Variants in ZNF730 observed in about 807,000 individuals in gnomAD.
The protein encoded by ZNF730 is zinc finger protein 730, also known as putative zinc finger protein 730.
In ZNF730, 12 loss-of-function variants were observed where a neutral mutation model predicts 12.6. That is an observed-to-expected ratio of 0.95 (90% confidence interval 0.61 to 1.54). ZNF730 has a LOEUF of 1.54. ZNF730 is among the 40% of genes most tolerant of loss of function. ZNF730 has a pLI of 0.00. For missense variants in ZNF730, 643 were observed against 583.5 expected (o/e 1.10, Z -1.05); for synonymous variants, 194 against 195.8 (o/e 0.99, Z 0.08).
intron 1 of ZNF730, among the ~76,000 whole-genome samples, chr19:23,078,852 T>G (rs1421708020): frequency 6.6e-6 from 1 of 152,166 alleles, no homozygotes. Context: ...GTGCCCAGAC[T>G]GGAGTGCAGT....
At chr19:23,129,980 C>T (rs868441029) in intron 1 of ZNF730, among the ~76,000 whole-genome samples, 6 of 133,458 alleles carry the variant, frequency 4.5e-5, no homozygotes, top group South Asian at 2.4e-4. Flanking sequence ...GGTGCTGGAG[C>T]GAGACTCCGC....
chr19:23,145,628 A>T lies in ZNF730; in HGVS notation c.584A>T (p.His195Leu), dbSNP rs764682556. The T allele has an allele frequency of 1.3e-6, 2 of 1,550,270 alleles. No homozygotes were observed. The highest frequency in any genetic ancestry group is 1.7e-6 in the Non-Finnish European group (2 of 1,149,280). ...LSHLAQHKKI[H>L]TGEKSYKCEE... ...CACTTAGCTCAACATAAAAAAATTC[A>T]TACTGGAGAGAAATCCTACAAATGT... The change falls in exon 4 of 4, where the codon CAT becomes CTT. Residue 195 changes from histidine to leucine, a missense_variant. By Grantham distance (99) the His-to-Leu change is moderately conservative (BLOSUM62 -3). Coordinates refer to ENST00000597761, the MANE Select transcript of ZNF730 (RefSeq NM_001277403.2).
intron 3 of ZNF730, among the ~76,000 whole-genome samples, chr19:23,143,240 G>A (rs1040718681): frequency 1.3e-4 from 19 of 151,296 alleles, no homozygotes; most frequent in African/African-American, 3.6e-4. Context: ...GCGAGACTCC[G>A]TCTCAAAAAA....
intron 1 of ZNF730, among the ~76,000 whole-genome samples, chr19:23,122,132 C>CTT (rs71163449): frequency 1.3e-4 from 3 of 22,812 alleles, no homozygotes; most frequent in African/African-American, 1.7e-4. Context: ...TTGTTTAAAG[C>CTT]TTTTTTTTTT....
At chr19:23,139,552 T>C (rs531901849) in intron 3 of ZNF730, among the ~76,000 whole-genome samples, 1 of 152,168 alleles carries the variant, frequency 6.6e-6, no homozygotes, top group South Asian at 2.1e-4. Context: ...TGAGATGGAG[T>C]CTTGCTCTGT....
At chr19:23,133,605 G>C (rs1268406777) in intron 1 of ZNF730, among the ~76,000 whole-genome samples, 2 of 152,164 alleles carry the variant, frequency 1.3e-5, no homozygotes, top group Non-Finnish European at 2.9e-5. Flanking sequence ...GCCTCCCAAA[G>C]TGCTGGGATT....
At chr19:23,093,319 CTCT>C (rs1176322446) in intron 1 of ZNF730, among the ~76,000 whole-genome samples, 1 of 152,218 alleles carries the variant, frequency 6.6e-6, no homozygotes, top group Non-Finnish European at 1.5e-5. Context: ...ACTGTACCAG[CTCT>C]TCTTTTTACA....
intron 1 of ZNF730, chr19:23,128,053 G>T: frequency 1.3e-6 from 1 of 764,116 alleles, no homozygotes; most frequent in South Asian, 1.3e-5. Context: ...GACTGGCAAT[G>T]AATACAATGT....
intron 3 of ZNF730, among the ~76,000 whole-genome samples, chr19:23,142,515 C>T (rs957324359): frequency 3.3e-5 from 5 of 151,734 alleles, no homozygotes; most frequent in Non-Finnish European, 7.4e-5. Flanking sequence ...AATCCCATCT[C>T]TACTAAAAAT....
At chr19:23,114,766 CTA>C (rs1200797501), upstream of ZNF730, among the ~76,000 whole-genome samples, 1 of 151,970 alleles carries the variant, frequency 6.6e-6, no homozygotes, top group Non-Finnish European at 1.5e-5. Context: ...CCAAATTATT[CTA>C]TGTCCTTTCA....
chr19:23,127,528 G>A (rs1371245796), intron 1 of ZNF730: 2 of 917,690 alleles, frequency 2.2e-6, no homozygotes, highest in East Asian at 2.4e-5. Flanking sequence ...GTGGAATGAT[G>A]TAACCTGCAT....
chr19:23,120,377 T>C (rs1263370041), intron 1 of ZNF730, among the ~76,000 whole-genome samples: 1 of 152,144 alleles, frequency 6.6e-6, no homozygotes, highest in East Asian at 1.9e-4. Flanking sequence ...CACTGATTCA[T>C]TTTGTTGTTT....
At chr19:23,088,074 A>G (rs1255136127) in intron 1 of ZNF730, among the ~76,000 whole-genome samples, 2 of 152,046 alleles carry the variant, frequency 1.3e-5, no homozygotes, top group Admixed American at 6.6e-5. Flanking sequence ...GCTGGAGTGC[A>G]GTGGTGCGAT....
rs1568318863 is a variant in ZNF730 at position 23,145,497 on chromosome 19, G to A, written c.453G>A (p.Val151=). ...AAATATTTCAGTGTGACAAATATGTGAAAGTCTTTCATAAATTTTCAAATT... is the reference window on the plus strand; with the variant it reads ...AAATATTTCAGTGTGACAAATATGTAAAAGTCTTTCATAAATTTTCAAATT... The part of the protein sequence containing the change: ...HSKIFQCDKY[V]KVFHKFSNSN... Residue 151 remains valine (V), a synonymous_variant, in exon 4 of 4, where the codon GTG becomes GTA. Coordinates refer to ENST00000597761, the MANE Select transcript of ZNF730 (RefSeq NM_001277403.2). The A allele has an allele frequency of 6.4e-7, 1 of 1,564,076 alleles. No individual in the cohort carries two copies. Among genetic ancestry groups the A allele is most frequent in the Admixed American group, 1.9e-5 (1 of 51,802 alleles).
At chr19:23,075,696 C>A (rs148582216) in intron 1 of ZNF730, among the ~76,000 whole-genome samples, 9 of 152,178 alleles carry the variant, frequency 5.9e-5, no homozygotes, top group Middle Eastern at 3.4e-3. Context: ...TAGGTGTGTG[C>A]GTGGGAGGAG....
chr19:23,138,823 A>G (rs1468394406), intron 3 of ZNF730, among the ~76,000 whole-genome samples: 1 of 152,094 alleles, frequency 6.6e-6, no homozygotes, highest in African/African-American at 2.4e-5. Context: ...GCCTTAATGT[A>G]CCATGTAGCT....
chr19:23,088,602 T>C (rs1214408423), intron 1 of ZNF730, among the ~76,000 whole-genome samples: 1 of 151,788 alleles, frequency 6.6e-6, no homozygotes, highest in Admixed American at 6.6e-5. Flanking sequence ...TAGCTGGGAC[T>C]ACAGGCGTGT....
upstream of ZNF730, among the ~76,000 whole-genome samples, chr19:23,114,305 C>CTTTCTTT (rs1970490241): frequency 9.7e-6 from 1 of 103,508 alleles, no homozygotes; most frequent in Non-Finnish European, 2.0e-5. Context: ...TTTTTCTTTT[C>CTTTCTTT]TTTTTTTTTT....
chr19:23,081,147 CTT>C (rs1969960007), intron 1 of ZNF730, among the ~76,000 whole-genome samples: 2 of 149,742 alleles, frequency 1.3e-5, no homozygotes, highest in South Asian at 4.2e-4. Context: ...TACTAGACCT[CTT>C]TTTTTCTTTT....
Sources: allele counts gnomAD v4.1 joint callset (sites outside exome capture counted in the v4.1 genomes callset), GRCh38; gene constraint gnomAD v4.1.1; transcripts MANE v1.5; gene names NCBI Gene and HGNC (gene_info 2026-07-23, HGNC 2026-07-21).